GPR174: variants seen among roughly 807,000 people sequenced by gnomAD.
The protein encoded by GPR174 is G protein-coupled receptor 174.
A neutral mutation model predicts 16.5 loss-of-function variants in GPR174; 8 were observed. That is an observed-to-expected ratio of 0.48 (90% confidence interval 0.28 to 0.87). GPR174 has a LOEUF of 0.87. Among genes scored for constraint, GPR174 ranks in the 40% least tolerant of loss-of-function variants. The pLI is 0.09. For synonymous variants in GPR174, 111 were observed against 94.8 expected, an observed-to-expected ratio of 1.17 and a Z score of -0.99; for missense variants, 214 against 247.5, an observed-to-expected ratio of 0.86 and a Z score of 0.91.
intron 1 of GPR174, among the ~76,000 whole-genome samples, chrX:79,145,922 A>G (rs1926491890): frequency 8.9e-6 from 1 of 111,934 alleles, no homozygotes; most frequent in Admixed American, 9.5e-5. Context: ...TACGATAGTA[A>G]GTAATCAGCA....
intron 1 of GPR174, among the ~76,000 whole-genome samples, chrX:79,149,747 G>A (rs1461724980): frequency 1.8e-5 from 2 of 110,231 alleles, no homozygotes; most frequent in Non-Finnish European, 3.8e-5. Flanking sequence ...ATTGGGTTTG[G>A]GGATACCCAG....
Position 79,171,372 on chromosome X carries a change from A to G in GPR174, c.365A>G (p.Tyr122Cys). 8.3e-7 allele frequency: 1 copy of G among 1,211,341 alleles called. No homozygotes were observed. The highest frequency in any genetic ancestry group is 1.1e-6 in the Non-Finnish European group (1 of 895,418). The change falls in exon 3 of 3, where the codon TAC becomes TGC. Residue 122 changes from tyrosine to cysteine, a missense_variant. By Grantham distance (194) the Tyr-to-Cys change is radical (BLOSUM62 -2). Coordinates refer to ENST00000645147, the MANE Select transcript of GPR174 (RefSeq NM_032553.3). ...ISVRRFWFLM[Y>C]PFRFHDCKQK... is the part of the protein sequence containing the mutation. ...GTGCGACGATTTTGGTTTCTCATGT[A>G]CCCCTTTCGCTTCCATGACTGCAAA...
chrX:79,164,046 A>G (rs1015374314), intron 2 of GPR174, among the ~76,000 whole-genome samples: 2 of 111,610 alleles, frequency 1.8e-5, no homozygotes, highest in Admixed American at 1.9e-4. Flanking sequence ...GAGGACCTAC[A>G]TTATTATTTG....
chrX:79,145,615 T>C (rs1280299267), intron 1 of GPR174, among the ~76,000 whole-genome samples: 2 of 111,521 alleles, frequency 1.8e-5, no homozygotes, highest in Non-Finnish European at 3.8e-5. Flanking sequence ...TCTTTGGGGG[T>C]GCTATTTTTA....
rs1167248172 is a variant in GPR174 at position 79,172,128 on chromosome X, A to G, written c.*119A>G. On this transcript the variant is annotated 3_prime_UTR_variant, in exon 3 of 3. Coordinates refer to ENST00000645147, the MANE Select transcript of GPR174 (RefSeq NM_032553.3). ...CAGCTTTTCAGTTCTGCTCTATCTT[A>G]CTGCTATGGGGAATTCACTTCTTCA... The G allele has an allele frequency of 1.4e-5, 10 of 719,165 alleles. No individual in the cohort carries two copies. In the Admixed American group the frequency reaches 3.6e-4, roughly 26 times the overall value. 59.3% of individuals were successfully genotyped at this position (719,165 alleles called of 1,213,427 possible).
At chrX:79,166,411 CTTT>C (rs66493560) in intron 2 of GPR174, among the ~76,000 whole-genome samples, 3 of 78,512 alleles carry the variant, frequency 3.8e-5, no homozygotes, top group Non-Finnish European at 7.0e-5. Context: ...TTAAAGGGAT[CTTT>C]TTTTTCTTTT....
In GPR174 at chrX:79,171,618, G is replaced by T; in HGVS notation, c.611G>T (p.Cys204Phe). 8.3e-7 allele frequency: 1 copy of T among 1,211,246 alleles called. No individual in the cohort carries two copies. Among genetic ancestry groups the T allele is most frequent in the Non-Finnish European group, 1.1e-6 (1 of 895,421 alleles). Reference sequence around the variant, plus strand: ...ACTCCGCTTCTGATTGTCCTATATTGTACCTGGAAGACGGTTTTATCACTG... The same window carrying T: ...ACTCCGCTTCTGATTGTCCTATATTTTACCTGGAAGACGGTTTTATCACTG... ...FVTPLLIVLY[C>F]TWKTVLSLQD... The change falls in exon 3 of 3, where the codon TGT becomes TTT. Residue 204 changes from cysteine to phenylalanine, a missense_variant. Physicochemically the swap from Cys to Phe is radical, Grantham distance 205. Transcript: ENST00000645147.
At chrX:79,167,652 G>C (rs1435983951) in intron 2 of GPR174, among the ~76,000 whole-genome samples, 1 of 111,686 alleles carries the variant, frequency 9.0e-6, no homozygotes, top group Non-Finnish European at 1.9e-5. Flanking sequence ...GTGAGACTGA[G>C]TGACAACCTT....
intron 2 of GPR174, among the ~76,000 whole-genome samples, chrX:79,166,538 A>C (rs936866960): frequency 4.2e-5 from 4 of 95,960 alleles, no homozygotes; most frequent in Non-Finnish European, 6.0e-5. Flanking sequence ...TCCCGGGTTC[A>C]AGCGATTCTC....
chrX:79,166,432 C>CTTTTTTTTTTTTTTTTTT (rs1174620976), intron 2 of GPR174, among the ~76,000 whole-genome samples: 1 of 43,627 alleles, frequency 2.3e-5, no homozygotes, highest in Admixed American at 4.2e-4. Flanking sequence ...TTTCTTTTTT[C>CTTTTTTTTTTTTTTTTTT]TTTTTTTTTT....
At position 79,171,314 on chromosome X, in the gene GPR174, T is replaced by C; in HGVS notation, c.307T>C (p.Tyr103His). 8.3e-7 allele frequency: 1 copy of C among 1,211,496 alleles called. No individual in the cohort carries two copies. Among genetic ancestry groups the C allele is most frequent in the Non-Finnish European group, 1.1e-6 (1 of 895,142 alleles). The stretch of plus-strand genomic sequence containing the variant: ...TTTCTACCTGAAGTATGTCAACATG[T>C]ATGCAAGCATCTACTTCTTGGTCTG... ...FCFYLKYVNM[Y>H]ASIYFLVCIS... The change falls in exon 3 of 3, where the codon TAT (tyrosine) becomes CAT (histidine). Residue 103 changes from tyrosine (Y) to histidine (H), a missense_variant. Physicochemically the swap from Tyr to His is moderately conservative, Grantham distance 83 (BLOSUM62 2). Transcript: ENST00000645147.
intron 2 of GPR174, among the ~76,000 whole-genome samples, chrX:79,168,093 G>A (rs1233821704): frequency 8.9e-6 from 1 of 112,137 alleles, no homozygotes; most frequent in African/African-American, 3.2e-5. Flanking sequence ...CCTGAGATTT[G>A]CCTGTGTGCT....
At chrX:79,158,454 T>C (rs941741134) in intron 2 of GPR174, among the ~76,000 whole-genome samples, 1 of 102,981 alleles carries the variant, frequency 9.7e-6, no homozygotes, top group African/African-American at 3.5e-5. Context: ...TTTTCTTTTT[T>C]TTTTTTTTGA....
At position 79,171,486 on chromosome X, in the gene GPR174, A is replaced by G. The variant is rs1180455268; in HGVS notation, c.479A>G (p.Asp160Gly). 3.3e-6 allele frequency: 4 copies of G among 1,211,210 alleles called. No homozygotes were observed. The African/African-American group carries it at 5.2e-5, about 16-fold the overall frequency. Reference sequence around the variant, plus strand: ...TTTCCACTCCTCAGAACCAGTGATGATACCTCTGGCAATAGGACCAAATGC... The same window carrying G: ...TTTCCACTCCTCAGAACCAGTGATGGTACCTCTGGCAATAGGACCAAATGC... ...VLFPLLRTSD[D>G]TSGNRTKCFV... The change falls in exon 3 of 3, where the codon GAT (aspartate) becomes GGT (glycine). Residue 160 changes from aspartate (D) to glycine (G), a missense_variant. By Grantham distance (94) the Asp-to-Gly change is moderately conservative. Coordinates refer to ENST00000645147, the MANE Select transcript of GPR174 (RefSeq NM_032553.3).
At chrX:79,168,073 A>G (rs1921420315) in intron 2 of GPR174, among the ~76,000 whole-genome samples, 1 of 112,569 alleles carries the variant, frequency 8.9e-6, no homozygotes, top group South Asian at 3.7e-4. Context: ...TTCAAAAGTA[A>G]AAATGAAGCC....
chrX:79,172,786 C>G lies in GPR174; in HGVS notation c.*777C>G, dbSNP rs1365227752. 9.0e-6 allele frequency: 1 copy of G among 111,671 alleles called. No homozygotes were observed. The highest frequency in any genetic ancestry group is 2.8e-4 in the East Asian group (1 of 3,569). The allele number at this position is 111,671 out of a possible 1,213,427, so 9.2% of individuals were successfully genotyped here. A position where few individuals can be genotyped will look rare whatever the true frequency, so the allele number is the denominator to read the frequency against. ...AAGGTGACTCAATTGGGCTCTAGGC[C>G]TAGGAGAAAGCAGAAAGGTGACAAT... is the stretch of plus-strand genomic sequence containing the variant. On this transcript the variant is annotated 3_prime_UTR_variant, in exon 3 of 3. Transcript: ENST00000645147.
At position 79,171,197 on chromosome X, in the gene GPR174, G is replaced by C. The variant is rs769633540; in HGVS notation, c.190G>C (p.Ala64Pro). Residue 64 changes from alanine to proline, a missense_variant, in exon 3 of 3, where the codon GCT becomes CCT. Ala to Pro is a conservative substitution (Grantham distance 27, BLOSUM62 -1). Transcript: ENST00000645147. The stretch of plus-strand genomic sequence containing the variant: ...GATATTTATGATAAACTTAGCCATT[G>C]CTGACTTACTACAAGTTCTTTCCTT... ...AVIFMINLAI[A>P]DLLQVLSLPL... 2 of 1,207,229 alleles carry C rather than the reference G, an allele frequency of 1.7e-6. No homozygotes were observed. Among genetic ancestry groups the C allele is most frequent in the Non-Finnish European group, 2.2e-6 (2 of 892,421 alleles).
intron 2 of GPR174, among the ~76,000 whole-genome samples, chrX:79,165,294 G>A (rs1359990270): frequency 4.2e-5 from 3 of 72,101 alleles, no homozygotes; most frequent in African/African-American, 1.1e-4. Flanking sequence ...GGAATACAAC[G>A]AAGCACTAAG....
chrX:79,171,207 T>C lies in GPR174; in HGVS notation c.200T>C (p.Leu67Pro), dbSNP rs1921506026. 8.3e-7 allele frequency: 1 copy of C among 1,207,235 alleles called. No individual in the cohort carries two copies. The highest frequency in any genetic ancestry group is 2.2e-5 in the Admixed American group (1 of 45,569). The stretch of plus-strand genomic sequence containing the variant: ...ATAAACTTAGCCATTGCTGACTTAC[T>C]ACAAGTTCTTTCCTTGCCACTGAGG... ...FMINLAIADL[L>P]QVLSLPLRIF... Residue 67 changes from leucine to proline, a missense_variant, in exon 3 of 3, where the codon CTA becomes CCA. Coordinates refer to ENST00000645147, the MANE Select transcript of GPR174 (RefSeq NM_032553.3).
Sources: allele counts gnomAD v4.1 joint callset (sites outside exome capture counted in the v4.1 genomes callset), GRCh38; gene constraint gnomAD v4.1.1; transcripts MANE v1.5; gene names NCBI Gene and HGNC (gene_info 2026-07-23, HGNC 2026-07-21).